The following MROH7 variants were observed in gnomAD, a reference collection of about 807,000 sequenced individuals.
MROH7 encodes maestro heat like repeat family member 7.
MROH7 carries 113 observed loss-of-function variants against 129.2 expected under a neutral mutation model. The ratio of observed to expected loss-of-function variants is 0.87; its 90% CI spans 0.75 to 1.02. The LOEUF is 1.02. Among genes scored for constraint, MROH7 ranks in the 50% least tolerant of loss-of-function variants. The pLI is 0.00. For synonymous variants in MROH7, 655 were observed against 667.9 expected (o/e 0.98, Z 0.30); for missense variants, 1,601 against 1,671.3 (o/e 0.96, Z 0.73).
chr1:54,678,452 C>CAT (rs75245983), intron 10 of MROH7, among the ~76,000 whole-genome samples: 7,557 of 152,162 alleles, frequency 0.05, 435 homozygotes, highest in East Asian at 0.15. Flanking sequence ...TCAAGGATAA[C>CAT]GTGTCCATTT....
chr1:54,679,319 G>A lies in MROH7; in HGVS notation c.2106G>A (p.Leu702=), dbSNP rs762379908. 1.9e-6 allele frequency: 3 copies of A among 1,614,198 alleles called. No individual in the cohort carries two copies. In the Admixed American group the frequency reaches 5.0e-5, roughly 27 times the overall value. Reference sequence around the variant, plus strand: ...TAAAGGACCTGCTGCTGGCCGCCCTGGAAGGGCTGAAAGGCAGCTCAGAGG... The same window carrying A: ...TAAAGGACCTGCTGCTGGCCGCCCTAGAAGGGCTGAAAGGCAGCTCAGAGG... ...QQIKDLLLAA[L]EGLKGSSEAP... is the part of the protein sequence containing the mutation. The change falls in exon 12 of 24, where the codon CTG becomes CTA. Residue 702 remains leucine, a synonymous_variant. Transcript: ENST00000421030.
chr1:54,693,976 G>T (rs11206413), intron 16 of MROH7, among the ~76,000 whole-genome samples: 1 of 151,976 alleles, frequency 6.6e-6, no homozygotes. Flanking sequence ...CTGCCTCCTG[G>T]GTTCAAGCGA....
At chr1:54,673,561 C>T in intron 8 of MROH7, 140 bp from the exon 9 acceptor site, 1 of 675,704 alleles carries the variant, frequency 1.5e-6, no homozygotes, top group Non-Finnish European at 2.7e-6. Flanking sequence ...TGCCTATACC[C>T]CAAGAAGAGG....
chr1:54,706,420 TTC>T lies in MROH7; in HGVS notation c.3565-11_3565-10del. Reference sequence around the variant, plus strand: ...TCTGAGAGGCCAGCACTTTTGGGGTTTCTCTTTGTCCTAGGTGAACACCCACC... The same window carrying T: ...TCTGAGAGGCCAGCACTTTTGGGGTTTCTTTGTCCTAGGTGAACACCCACC... On this transcript the variant is annotated splice_polypyrimidine_tract_variant and intron_variant, in intron 21 of 23. Transcript: ENST00000421030. The T allele has an allele frequency of 1.9e-6, 3 of 1,603,624 alleles. No individual in the cohort carries two copies. The highest frequency in any genetic ancestry group is 2.6e-6 in the Non-Finnish European group (3 of 1,172,610).
rs1436076258 is a variant in MROH7, at chr1:54,702,021, G to C, written c.3286-69G>C. 3 of 1,349,356 alleles carry C rather than the reference G, an allele frequency of 2.2e-6. No individual in the cohort carries two copies. In the African/African-American group the frequency reaches 4.4e-5, roughly 20 times the overall value. The allele number at this position is 1,349,356 out of a possible 1,614,324, so 83.6% of individuals were successfully genotyped here. A position where few individuals can be genotyped will look rare whatever the true frequency, so the allele number is the denominator to read the frequency against. The stretch of plus-strand genomic sequence containing the variant: ...CTAGGCTTGAGTGAGAGGAACAATG[G>C]CTCTGAATCAGCCGCAGTGAGTGGC... On this transcript the variant is annotated intron_variant, in intron 19 of 23. Coordinates refer to ENST00000421030, the MANE Select transcript of MROH7 (RefSeq NM_001039464.4).
chr1:54,692,624 T>G, intron 16 of MROH7, 63 bp downstream of exon 16: 3 of 1,535,994 alleles, frequency 2.0e-6, no homozygotes, highest in Non-Finnish European at 2.6e-6. Context: ...CTCAGGATCT[T>G]CAGACGGACT....
chr1:54,675,946 A>G lies in MROH7; in HGVS notation c.1936+1795A>G, dbSNP rs971906487. ...CCACCGCACCCCGCCGAGGCAGCTC[A>G]TTTAAAAAAGAAAGAAAGAAAGAAA... On this transcript the variant is annotated intron_variant, in intron 10 of 23. Transcript: ENST00000421030. Among the ~76,000 whole-genome samples the G allele has an allele frequency of 3.9e-5, 6 of 152,096 alleles. 1 individual carries two copies. Among genetic ancestry groups the G allele is most frequent in the African/African-American group, 1.4e-4 (6 of 41,438 alleles).
chr1:54,674,884 C>T (rs1243364996), intron 10 of MROH7, among the ~76,000 whole-genome samples: 2 of 152,198 alleles, frequency 1.3e-5, no homozygotes, highest in Non-Finnish European at 2.9e-5. Flanking sequence ...AGAGCTGCTC[C>T]TATCGCTGCT....
intron 3 of MROH7, chr1:54,659,244 A>C (rs894360106): frequency 5.1e-6 from 1 of 197,750 alleles, no homozygotes; most frequent in African/African-American, 2.5e-5. Flanking sequence ...ACAGGCATGC[A>C]CCACCACGCT....
At position 54,671,357 on chromosome 1, in the gene MROH7, G is replaced by A. The variant is rs567489621; in HGVS notation, c.1599+428G>A. Among the ~76,000 whole-genome samples the A allele has an allele frequency of 2.0e-5, 3 of 152,338 alleles. No individual in the cohort carries two copies. The South Asian group carries it at 6.2e-4, about 32-fold the overall frequency. ...AGAGCTTGCAGTGAGCCGAGATTGC[G>A]CCACTGCACTCCAGCCTGGGCGACA... On this transcript the variant is annotated intron_variant, in intron 7 of 23. Coordinates refer to ENST00000421030, the MANE Select transcript of MROH7 (RefSeq NM_001039464.4).
Position 54,686,292 on chromosome 1 carries a change from A to G in MROH7, c.2555A>G (p.Asn852Ser). The part of the protein sequence containing the change: ...ASGLCELLSV[N>S]SCMGRVRRIY... ...GGCCTGTGCGAGCTCCTGTCCGTCA[A>G]CAGCTGCATGGGCCGTGTGAGGCGC... Residue 852 changes from asparagine to serine, a missense_variant, in exon 15 of 24, where the codon AAC (asparagine) becomes AGC (serine). Coordinates refer to ENST00000421030, the MANE Select transcript of MROH7 (RefSeq NM_001039464.4). The G allele has an allele frequency of 6.2e-7, 1 of 1,613,990 alleles. No individual in the cohort carries two copies. Among genetic ancestry groups the G allele is most frequent in the Non-Finnish European group, 8.5e-7 (1 of 1,179,952 alleles).
intron 1 of MROH7, among the ~76,000 whole-genome samples, chr1:54,642,642 GTCTC>G (rs781530204): frequency 2.6e-5 from 4 of 152,104 alleles, no homozygotes; most frequent in Non-Finnish European, 4.4e-5. Flanking sequence ...TTGAGACAGA[GTCTC>G]TCTCTGTCAC....
Position 54,692,570 on chromosome 1 carries a change from C to A in MROH7, c.2849+9C>A. The A allele has an allele frequency of 7.2e-7, 1 of 1,388,300 alleles. No homozygotes were observed. The highest frequency in any genetic ancestry group is 9.8e-7 in the Non-Finnish European group (1 of 1,019,316). 86.0% of individuals were successfully genotyped at this position (1,388,300 alleles called of 1,614,324 possible). On this transcript the variant is annotated intron_variant, in intron 16 of 23. Transcript: ENST00000421030. ...GTGGCCTTGCTGGCAAGGTGAGTCC[C>A]GGGACCACCTTGGGGTTGGGGTGGG...
chr1:54,644,582 A>C (rs1220923583), intron 1 of MROH7, among the ~76,000 whole-genome samples: 1 of 151,838 alleles, frequency 6.6e-6, no homozygotes, highest in Non-Finnish European at 1.5e-5. Flanking sequence ...ACCTCAGGTG[A>C]TCTGCCTGAC....
chr1:54,656,798 G>T (rs936694821), intron 3 of MROH7, among the ~76,000 whole-genome samples: 1 of 151,872 alleles, frequency 6.6e-6, no homozygotes, highest in South Asian at 2.1e-4. Flanking sequence ...GCGACACAGC[G>T]GGACTCTGTC....
intron 3 of MROH7, among the ~76,000 whole-genome samples, chr1:54,655,399 C>T (rs1644628221): frequency 6.6e-6 from 1 of 151,960 alleles, no homozygotes; most frequent in South Asian, 2.1e-4. Context: ...AGACAAAAGT[C>T]TCACTCTGTT....
intron 14 of MROH7, among the ~76,000 whole-genome samples, chr1:54,685,430 AGT>A (rs1388897746): frequency 3.9e-5 from 6 of 152,240 alleles, no homozygotes; most frequent in African/African-American, 1.4e-4. Flanking sequence ...GATGATGATC[AGT>A]GACTCCACTT....
intron 3 of MROH7, chr1:54,663,779 A>G: frequency 2.2e-6 from 1 of 454,494 alleles, no homozygotes; most frequent in South Asian, 1.6e-5. Context: ...TTCATCCTGG[A>G]CTTTCCCTGC....
At chr1:54,693,048 T>C (rs10888864) in intron 16 of MROH7, among the ~76,000 whole-genome samples, 35,410 of 152,108 alleles carry the variant, frequency 0.23, 4,257 homozygotes, top group South Asian at 0.29. Context: ...GTACTTTGAA[T>C]AGGCCAGGCA....
Sources: gnomAD v4.1 joint callset for allele counts (sites outside exome capture counted in the v4.1 genomes callset) on GRCh38, gnomAD v4.1.1 for gene constraint, MANE v1.5 for transcripts, NCBI Gene and HGNC (gene_info 2026-07-23, HGNC 2026-07-21) for gene names.